The following ZDHHC14 variants were observed in gnomAD, a reference collection of about 807,000 sequenced individuals.
ZDHHC14 encodes the protein palmitoyltransferase ZDHHC14.
ZDHHC14 carries 16 observed loss-of-function variants against 47.7 expected under a neutral mutation model. The ratio of observed to expected loss-of-function variants is 0.34; its 90% CI spans 0.23 to 0.51. The LOEUF is 0.51. ZDHHC14 is among the 20% of genes least tolerant of loss of function. ZDHHC14 has a pLI of 0.97. For synonymous variants in ZDHHC14, 293 were observed against 278.9 expected (o/e 1.05, Z -0.50); for missense variants, 515 against 662.5 (o/e 0.78, Z 2.44).
At chr6:157,577,861 A>T (rs923147217) in intron 2 of ZDHHC14, among the ~76,000 whole-genome samples, 11 of 151,998 alleles carry the variant, frequency 7.2e-5, no homozygotes, top group Admixed American at 7.2e-4. Context: ...TGCATCTGTT[A>T]TTTTTTTACT....
chr6:157,570,971 A>G (rs1783078585), intron 2 of ZDHHC14, among the ~76,000 whole-genome samples: 1 of 152,186 alleles, frequency 6.6e-6, no homozygotes, highest in Non-Finnish European at 1.5e-5. Context: ...GCAGGAACTG[A>G]GATTGTCATG....
Position 157,386,062 on chromosome 6 carries a change from A to G in ZDHHC14, c.245+3796A>G, listed in dbSNP as rs538411101. Among the ~76,000 whole-genome samples the G allele has an allele frequency of 5.8e-4, 89 of 152,336 alleles. 1 individual carries two copies. In the South Asian group the frequency reaches 0.013, roughly 23 times the overall value. ...GTGTTTGGCACATAGCAAGGGCTCA[A>G]TAAATGGTTCATATTGTTAGAGTAA... is the stretch of plus-strand genomic sequence containing the variant. On this transcript the variant is annotated intron_variant, in intron 1 of 8. Coordinates refer to ENST00000359775, the MANE Select transcript of ZDHHC14 (RefSeq NM_024630.3).
In ZDHHC14 at chr6:157,645,733, T is replaced by G. The variant is rs771268343; in HGVS notation, c.753-4T>G. ...CTTCCGCTTGCCTCCTTGACTCGCA[T>G]CACCGTCCTGGAGGCTGTGGTGTGC... On this transcript the variant is annotated splice_region_variant and splice_polypyrimidine_tract_variant and intron_variant, in intron 5 of 8. Coordinates refer to ENST00000359775, the MANE Select transcript of ZDHHC14 (RefSeq NM_024630.3). The G allele has an allele frequency of 5.0e-6, 8 of 1,613,408 alleles. No individual in the cohort carries two copies. The South Asian group carries it at 6.6e-5, about 13-fold the overall frequency.
At chr6:157,540,090 C>T (rs924648873) in intron 1 of ZDHHC14, among the ~76,000 whole-genome samples, 13 of 152,184 alleles carry the variant, frequency 8.5e-5, no homozygotes, top group African/African-American at 3.1e-4. Context: ...AGGCAGTAGG[C>T]CTCCCCGCGT....
At chr6:157,656,921 TTGAG>T (rs1231815883) in intron 8 of ZDHHC14, among the ~76,000 whole-genome samples, 3 of 152,084 alleles carry the variant, frequency 2.0e-5, no homozygotes, top group African/African-American at 7.2e-5. Context: ...CATGGTGGGA[TTGAG>T]TAAGGACCTG....
intron 1 of ZDHHC14, among the ~76,000 whole-genome samples, chr6:157,485,730 G>C (rs1779761979): frequency 6.6e-6 from 1 of 151,330 alleles, no homozygotes; most frequent in Admixed American, 6.6e-5. Flanking sequence ...TGCTTCTAAG[G>C]CCGGGTGCAG....
intron 1 of ZDHHC14, among the ~76,000 whole-genome samples, chr6:157,531,300 G>A (rs987739385): frequency 1.3e-5 from 2 of 151,410 alleles, no homozygotes; most frequent in Admixed American, 6.6e-5. Context: ...TGCCCCCCCC[G>A]GACATGCCGT....
intron 7 of ZDHHC14, among the ~76,000 whole-genome samples, chr6:157,650,835 T>C (rs1777796742): frequency 1.3e-5 from 2 of 152,162 alleles, no homozygotes; most frequent in Admixed American, 1.3e-4. Flanking sequence ...CATCAGCTAG[T>C]CCTGTCTCCC....
intron 3 of ZDHHC14, among the ~76,000 whole-genome samples, chr6:157,600,695 C>T (rs756580374): frequency 7.2e-5 from 11 of 152,164 alleles, no homozygotes; most frequent in Non-Finnish European, 1.5e-4. Flanking sequence ...CGTGAGCCAC[C>T]GCACCTGGCC....
chr6:157,552,355 A>G (rs1461370230), intron 2 of ZDHHC14, among the ~76,000 whole-genome samples: 1 of 152,050 alleles, frequency 6.6e-6, no homozygotes, highest in Non-Finnish European at 1.5e-5. Flanking sequence ...CAGGCGGCAC[A>G]TTGGGCACAA....
At chr6:157,599,412 A>G (rs1784257719) in intron 3 of ZDHHC14, among the ~76,000 whole-genome samples, 1 of 152,184 alleles carries the variant, frequency 6.6e-6, no homozygotes, top group Non-Finnish European at 1.5e-5. Flanking sequence ...CAAAGACCAC[A>G]ACTCCGGATT....
chr6:157,388,952 C>G (rs866487385), intron 1 of ZDHHC14, among the ~76,000 whole-genome samples: 26 of 152,260 alleles, frequency 1.7e-4, no homozygotes, highest in Non-Finnish European at 2.4e-4. Flanking sequence ...GCTTTGTCTT[C>G]TCTCAGGGAT....
chr6:157,504,831 G>A (rs1189246557), intron 1 of ZDHHC14, among the ~76,000 whole-genome samples: 1 of 124,174 alleles, frequency 8.1e-6, no homozygotes, highest in Non-Finnish European at 1.8e-5. Flanking sequence ...TTTTGTTTGA[G>A]ATTGAGTCTC....
At chr6:157,440,234 T>C (rs1778535324) in intron 1 of ZDHHC14, among the ~76,000 whole-genome samples, 1 of 151,796 alleles carries the variant, frequency 6.6e-6, no homozygotes, top group South Asian at 2.1e-4. Flanking sequence ...CACAGCCCAA[T>C]TTAAAAATGG....
At chr6:157,606,246 G>C (rs915559755) in intron 3 of ZDHHC14, among the ~76,000 whole-genome samples, 11 of 152,094 alleles carry the variant, frequency 7.2e-5, no homozygotes, top group African/African-American at 2.6e-4. Flanking sequence ...GGGTGGATCA[G>C]CTGAGGTCAG....
chr6:157,398,655 T>C (rs923996354), intron 1 of ZDHHC14, among the ~76,000 whole-genome samples: 1 of 152,204 alleles, frequency 6.6e-6, no homozygotes, highest in Admixed American at 6.5e-5. Flanking sequence ...ATAAGTACTC[T>C]TCCTTCTGGG....
intron 8 of ZDHHC14, among the ~76,000 whole-genome samples, chr6:157,653,924 G>T (rs1455423270): frequency 6.6e-6 from 1 of 152,130 alleles, no homozygotes; most frequent in East Asian, 1.9e-4. Flanking sequence ...CCTTATACAG[G>T]ATCAGGCTGT....
chr6:157,453,901 A>G (rs908474443), intron 1 of ZDHHC14, among the ~76,000 whole-genome samples: 74 of 152,226 alleles, frequency 4.9e-4, no homozygotes, highest in African/African-American at 1.7e-3. Context: ...GCCTCTGAAA[A>G]TAAGCCTCCT....
At chr6:157,570,273 G>A (rs184680260) in intron 2 of ZDHHC14, among the ~76,000 whole-genome samples, 82 of 152,310 alleles carry the variant, frequency 5.4e-4, no homozygotes, top group African/African-American at 1.9e-3. Flanking sequence ...CTGCCATAGC[G>A]TGGTATCCAG....
Sources: gnomAD v4.1 joint callset for allele counts (sites outside exome capture counted in the v4.1 genomes callset) on GRCh38, gnomAD v4.1.1 for gene constraint, MANE v1.5 for transcripts, NCBI Gene and HGNC (gene_info 2026-07-23, HGNC 2026-07-21) for gene names.